DAB1: variants seen among roughly 807,000 people sequenced by gnomAD.
DAB1 encodes DAB adaptor protein 1, also known as disabled homolog 1.
In DAB1, 15 loss-of-function variants were observed where a neutral mutation model predicts 64.6. The ratio of observed to expected loss-of-function variants is 0.23; its 90% confidence interval spans 0.16 to 0.36. The LOEUF (loss-of-function observed/expected upper bound fraction) is 0.36. DAB1 is among the 10% of genes least tolerant of loss of function. The pLI is 1.00. For synonymous variants in DAB1, 235 were observed against 251.9 expected (o/e 0.93, Z 0.64); for missense variants, 596 against 706.7 (o/e 0.84, Z 1.78).
intron 8 of DAB1, among the ~76,000 whole-genome samples, chr1:57,066,503 AG>A (rs1203305073): frequency 6.6e-6 from 1 of 152,214 alleles, no homozygotes; most frequent in Admixed American, 6.5e-5. Flanking sequence ...CAAGACTATT[AG>A]AAAAACCTCG....
chr1:57,387,714 C>T (rs910981939), intron 1 of DAB1, among the ~76,000 whole-genome samples: 3 of 149,634 alleles, frequency 2.0e-5, no homozygotes, highest in South Asian at 2.1e-4. Context: ...CCCAGCTACT[C>T]GGGAGGCTGA....
chr1:58,170,070 C>A (rs1341549134), intron 4 of DAB1, among the ~76,000 whole-genome samples: 2 of 152,218 alleles, frequency 1.3e-5, no homozygotes, highest in South Asian at 2.1e-4. Flanking sequence ...TAGCTGCAGC[C>A]CGAGAGTTTG....
intron 5 of DAB1, among the ~76,000 whole-genome samples, chr1:57,946,670 C>A (rs1443705154): frequency 6.6e-6 from 1 of 152,206 alleles, no homozygotes; most frequent in East Asian, 1.9e-4. Context: ...GCAAGGCAGC[C>A]CTCTCCACAA....
chr1:57,290,679 C>G (rs1034266977), intron 2 of DAB1, among the ~76,000 whole-genome samples: 1 of 151,914 alleles, frequency 6.6e-6, no homozygotes, highest in Non-Finnish European at 1.5e-5. Flanking sequence ...ATTATGAATA[C>G]GAAACACACA....
At chr1:58,174,202 A>G (rs1656334559) in intron 4 of DAB1, among the ~76,000 whole-genome samples, 1 of 152,214 alleles carries the variant, frequency 6.6e-6, no homozygotes, top group Non-Finnish European at 1.5e-5. Context: ...CATTTACAGG[A>G]AAAGGCTTCT....
At chr1:57,637,404 G>A (rs1199850821) in intron 7 of DAB1, among the ~76,000 whole-genome samples, 1 of 152,210 alleles carries the variant, frequency 6.6e-6, no homozygotes, top group Non-Finnish European at 1.5e-5. Flanking sequence ...CCATCCTGTA[G>A]GAGCCAGCAA....
In DAB1 at chr1:57,135,627, T is replaced by A. The variant is rs572509284; in HGVS notation, c.306+916A>T. Among the ~76,000 whole-genome samples the A allele has an allele frequency of 2.0e-5, 3 of 152,312 alleles. No individual in the cohort carries two copies. In the South Asian group the frequency reaches 6.2e-4, roughly 32 times the overall value. ...GAGTAATTTTTCTATACCTTTTTTC[T>A]TCAAGAAAATCCATTTTTACATTTA... On this transcript the variant is annotated intron_variant, in intron 4 of 14. Coordinates refer to ENST00000371236, the MANE Select transcript of DAB1 (RefSeq NM_001365792.1).
chr1:57,378,851 G>T (rs1255423631), intron 1 of DAB1, among the ~76,000 whole-genome samples: 2 of 152,140 alleles, frequency 1.3e-5, no homozygotes, highest in Non-Finnish European at 2.9e-5. Context: ...GGACCCAAAA[G>T]GAGAATATTG....
intron 4 of DAB1, among the ~76,000 whole-genome samples, chr1:58,229,990 G>A (rs996263101): frequency 1.3e-5 from 2 of 152,142 alleles, no homozygotes; most frequent in Admixed American, 1.3e-4. Flanking sequence ...GCTCATTCCA[G>A]TATGCCATGC....
At chr1:56,999,303 GC>G (rs1645754541) in intron 14 of DAB1, among the ~76,000 whole-genome samples, 1 of 152,148 alleles carries the variant, frequency 6.6e-6, no homozygotes, top group African/African-American at 2.4e-5. Flanking sequence ...TAGATAATTT[GC>G]CCATGGTCAC....
At chr1:58,050,240 G>T (rs763732979) in intron 5 of DAB1, among the ~76,000 whole-genome samples, 2 of 152,166 alleles carry the variant, frequency 1.3e-5, no homozygotes, top group African/African-American at 2.4e-5. Context: ...ACAGGCTCTC[G>T]TGAGCCTATA....
chr1:57,764,818 C>T (rs1649237912), intron 6 of DAB1, among the ~76,000 whole-genome samples: 1 of 151,958 alleles, frequency 6.6e-6, no homozygotes, highest in Non-Finnish European at 1.5e-5. Flanking sequence ...CAAAATATCC[C>T]TTATTCCTGT....
intron 4 of DAB1, among the ~76,000 whole-genome samples, chr1:58,256,607 T>C (rs972072459): frequency 6.6e-6 from 1 of 152,230 alleles, no homozygotes; most frequent in African/African-American, 2.4e-5. Flanking sequence ...CATTAGCTCA[T>C]TGAATCCTCC....
chr1:58,040,387 T>C (rs1250404861), intron 5 of DAB1, among the ~76,000 whole-genome samples: 1 of 152,138 alleles, frequency 6.6e-6, no homozygotes, highest in Non-Finnish European at 1.5e-5. Context: ...ATAGACGGGG[T>C]TGTCAAAGGA....
intron 2 of DAB1, among the ~76,000 whole-genome samples, chr1:57,159,515 A>C (rs1422689343): frequency 6.6e-6 from 1 of 152,226 alleles, no homozygotes; most frequent in East Asian, 1.9e-4. Flanking sequence ...ACATTTTCTT[A>C]AATTTGTTTT....
At chr1:57,412,749 GA>G (rs769979469) in intron 1 of DAB1, among the ~76,000 whole-genome samples, 3 of 152,172 alleles carry the variant, frequency 2.0e-5, no homozygotes, top group Non-Finnish European at 4.4e-5. Context: ...CTTGGTTCAT[GA>G]ATTATAAGGA....
At chr1:57,118,643 C>T (rs894774472) in intron 4 of DAB1, among the ~76,000 whole-genome samples, 1 of 152,198 alleles carries the variant, frequency 6.6e-6, no homozygotes, top group African/African-American at 2.4e-5. Flanking sequence ...AATCCTTCAT[C>T]AGCTGCCTTG....
chr1:58,286,212 C>A (rs1557722578), intron 4 of DAB1, among the ~76,000 whole-genome samples: 2 of 152,000 alleles, frequency 1.3e-5, no homozygotes, highest in Admixed American at 6.6e-5. Flanking sequence ...CTATAAAAAC[C>A]CAGAAGAAAA....
At chr1:57,446,004 C>T (rs1051510125) in intron 7 of DAB1, among the ~76,000 whole-genome samples, 1 of 152,130 alleles carries the variant, frequency 6.6e-6, no homozygotes, top group Non-Finnish European at 1.5e-5. Context: ...GGCAGTGTAG[C>T]TCTGGGAATC....
Sources: allele counts gnomAD v4.1 joint callset (sites outside exome capture counted in the v4.1 genomes callset), GRCh38; gene constraint gnomAD v4.1.1; transcripts MANE v1.5; gene names NCBI Gene and HGNC (gene_info 2026-07-23, HGNC 2026-07-21).